MTO1: variants seen among roughly 807,000 people sequenced by gnomAD.
MTO1 encodes 5-taurinomethyluridine-[tRNA] synthase subunit MTO1, mitochondrial.
Under a neutral mutation model 71.6 loss-of-function variants are expected in MTO1, and 46 were observed. That is an observed-to-expected ratio of 0.64 (90% confidence interval 0.51 to 0.82). The LOEUF (loss-of-function observed/expected upper bound fraction) is 0.82, where lower values mean the gene tolerates loss of function less well. Among genes scored for constraint, MTO1 ranks in the 40% least tolerant of loss-of-function variants. The pLI is 0.00. For missense variants in MTO1, 773 were observed against 867.5 expected (o/e 0.89, Z 1.37); for synonymous variants, 297 against 312.1 (o/e 0.95, Z 0.51).
intron 9 of MTO1, among the ~76,000 whole-genome samples, chr6:73,484,374 T>C (rs910583385): frequency 1.3e-5 from 2 of 152,148 alleles, no homozygotes; most frequent in Non-Finnish European, 2.9e-5. Flanking sequence ...AGGTGTCTGG[T>C]GAGGGCTTGC....
intron 1 of MTO1, 65 bp from the exon 2 acceptor site, chr6:73,466,144 T>A (rs1261686233): frequency 4.4e-6 from 6 of 1,351,656 alleles, no homozygotes; most frequent in Non-Finnish European, 4.2e-6. Context: ...AAATGTTTCC[T>A]TATTAAGTAG....
At chr6:73,498,559 A>T (rs1425336503) in intron 11 of MTO1, among the ~76,000 whole-genome samples, 12 of 151,890 alleles carry the variant, frequency 7.9e-5, no homozygotes, top group Non-Finnish European at 1.8e-4. Flanking sequence ...CACGTGCTTC[A>T]GACTAATTGT....
At position 73,466,296 on chromosome 6, in the gene MTO1, G is replaced by T. The variant is rs770758228; in HGVS notation, c.305G>T (p.Arg102Leu). The change falls in exon 2 of 12, where the codon CGC (arginine) becomes CTC (leucine). Residue 102 changes from arginine (R) to leucine (L), a missense_variant. Coordinates refer to ENST00000498286, the MANE Select transcript of MTO1 (RefSeq NM_012123.4). ...EVDALDGLCS[R>L]ICDQSGVHYK... ...GATGCCTTGGATGGCCTGTGTTCTC[G>T]CATCTGTGACCAGTCTGGTGTACAT... 1.9e-6 allele frequency: 3 copies of T among 1,614,090 alleles called. No homozygotes were observed. Among genetic ancestry groups the T allele is most frequent in the East Asian group, 2.2e-5 (1 of 44,882 alleles).
At chr6:73,486,783 T>C in intron 9 of MTO1, 1 of 183,586 alleles carries the variant, frequency 5.4e-6, no homozygotes, top group South Asian at 7.4e-5. Context: ...TGTGACTGGC[T>C]TATTTCATGT....
chr6:73,500,306 G>A (rs1265028786), intron 11 of MTO1, among the ~76,000 whole-genome samples: 1 of 152,158 alleles, frequency 6.6e-6, no homozygotes, highest in Non-Finnish European at 1.5e-5. Context: ...GGACAAAAAA[G>A]TAGATACTCT....
At chr6:73,469,622 CTAAA>C (rs1771093123) in intron 3 of MTO1, among the ~76,000 whole-genome samples, 2 of 126,748 alleles carry the variant, frequency 1.6e-5, no homozygotes, top group Admixed American at 8.5e-5. Flanking sequence ...GACTCCATCT[CTAAA>C]TAAATAAATA....
At chr6:73,480,237 A>G in intron 6 of MTO1, 111 bp downstream of exon 6, 1 of 1,024,538 alleles carries the variant, frequency 9.8e-7, no homozygotes, top group South Asian at 1.3e-5. Context: ...GATGAAGCCC[A>G]ACACCTATAC....
intron 1 of MTO1, chr6:73,462,366 CTTCTTAGTTCAT>C (rs1407796419): frequency 6.9e-6 from 3 of 433,208 alleles, no homozygotes; most frequent in African/African-American, 6.3e-5. Context: ...TCGCTGGTAG[CTTCTTAGTTCAT>C]TGCTGCGTTT....
In MTO1 at chr6:73,507,649, T is replaced by C. The variant is rs1326403287; in HGVS notation, c.*6914T>C. On this transcript the variant is annotated 3_prime_UTR_variant, in exon 12 of 12. Transcript: ENST00000498286. ...CTGCCACTTTCAGTGGATTTTTCCC[T>C]CCTAGGGACCAGAGGTCCTCTACTG... 6.6e-6 allele frequency: 1 copy of C among 152,214 alleles called. No individual in the cohort carries two copies. Among genetic ancestry groups the C allele is most frequent in the African/African-American group, 2.4e-5 (1 of 41,462 alleles). 9.4% of individuals were successfully genotyped at this position (152,214 alleles called of 1,614,324 possible). A position where few individuals can be genotyped will look rare whatever the true frequency, so the allele number is the denominator to read the frequency against.
chr6:73,494,388 G>A (rs1172745280), intron 10 of MTO1, among the ~76,000 whole-genome samples: 2 of 152,082 alleles, frequency 1.3e-5, no homozygotes, highest in Non-Finnish European at 2.9e-5. Context: ...ATGGTGTGCT[G>A]TTCAAACAGG....
In MTO1 at chr6:73,502,083, A is replaced by G. The variant is rs1287222266; in HGVS notation, c.*1348A>G. ...TTTCAAAAGGTCGTAACTTTTAGTCATAGCTACTCCTGGGCAAAATTCTTC... is the reference window on the plus strand; with the variant it reads ...TTTCAAAAGGTCGTAACTTTTAGTCGTAGCTACTCCTGGGCAAAATTCTTC... On this transcript the variant is annotated 3_prime_UTR_variant, in exon 12 of 12. Coordinates refer to ENST00000498286, the MANE Select transcript of MTO1 (RefSeq NM_012123.4). The G allele has an allele frequency of 6.6e-6, 1 of 152,268 alleles. No homozygotes were observed. The highest frequency in any genetic ancestry group is 1.9e-4 in the East Asian group (1 of 5,206). 9.4% of individuals were successfully genotyped at this position (152,268 alleles called of 1,614,324 possible). A position where few individuals can be genotyped will look rare whatever the true frequency, so the allele number is the denominator to read the frequency against.
At position 73,504,550 on chromosome 6, in the gene MTO1, A is replaced by G. The variant is rs893106398; in HGVS notation, c.*3815A>G. 2.6e-5 allele frequency: 4 copies of G among 152,236 alleles called. No homozygotes were observed. Among genetic ancestry groups the G allele is most frequent in the Admixed American group, 6.6e-5 (1 of 15,266 alleles). 9.4% of individuals were successfully genotyped at this position (152,236 alleles called of 1,614,324 possible). ...TAGATTAATGAATACTACTAAAGGCAAGAAATGGTATTACTAAAACTCAAG... is the reference window on the plus strand; with the variant it reads ...TAGATTAATGAATACTACTAAAGGCGAGAAATGGTATTACTAAAACTCAAG... On this transcript the variant is annotated 3_prime_UTR_variant, in exon 12 of 12. Coordinates refer to ENST00000498286, the MANE Select transcript of MTO1 (RefSeq NM_012123.4).
chr6:73,476,533 T>C (rs1771327612), intron 4 of MTO1, among the ~76,000 whole-genome samples: 1 of 152,136 alleles, frequency 6.6e-6, no homozygotes, highest in East Asian at 1.9e-4. Flanking sequence ...CTATAAACCA[T>C]TGAACGTCAC....
intron 6 of MTO1, 118 bp from the exon 7 acceptor site, chr6:73,480,557 A>G: frequency 7.6e-7 from 1 of 1,311,326 alleles, no homozygotes; most frequent in South Asian, 1.3e-5. Flanking sequence ...GGTGTGAGCC[A>G]CTGCTCCTGA....
At chr6:73,492,185 C>G in intron 9 of MTO1, 49 bp from the exon 10 acceptor site, 6 of 1,139,304 alleles carry the variant, frequency 5.3e-6, no homozygotes, top group Non-Finnish European at 8.0e-6. Context: ...CTTGATCTGC[C>G]TTATATGACA....
chr6:73,463,331 C>T (rs151261053), intron 1 of MTO1, among the ~76,000 whole-genome samples: 5 of 152,202 alleles, frequency 3.3e-5, no homozygotes, highest in African/African-American at 1.2e-4. Context: ...GTGCCCAGCG[C>T]CATGCTACCT....
rs1561956633 is a variant in MTO1, at chr6:73,501,827, A to G, written c.*1092A>G. ...CTCAGGAGAGTTCTAAGGGCCCCAA[A>G]GTCACTTTGGCTACAGATGTGTATG... is the stretch of plus-strand genomic sequence containing the variant. On this transcript the variant is annotated 3_prime_UTR_variant, in exon 12 of 12. Transcript: ENST00000498286. The G allele has an allele frequency of 6.6e-6, 1 of 152,182 alleles. No homozygotes were observed. 9.4% of individuals were successfully genotyped at this position (152,182 alleles called of 1,614,324 possible). A position where few individuals can be genotyped will look rare whatever the true frequency, so the allele number is the denominator to read the frequency against.
chr6:73,479,746 G>T lies in MTO1; in HGVS notation c.840G>T (p.Leu280=), dbSNP rs749351702. Residue 280 remains leucine (L), a synonymous_variant, in exon 5 of 12, where the codon CTG becomes CTT. Transcript: ENST00000498286. ...ETVWIKPEDQ[L]PCYLTHTNPR... ...CTGTTTTTTAGCCAGAAGATCAGCT[G>T]CCATGTTACTTGACTCACACCAACC... The T allele has an allele frequency of 3.7e-6, 6 of 1,612,552 alleles. No individual in the cohort carries two copies. The Admixed American group carries it at 1.0e-4, about 27-fold the overall frequency.
intron 7 of MTO1, among the ~76,000 whole-genome samples, chr6:73,481,728 A>G (rs2150036861): frequency 6.6e-6 from 1 of 152,236 alleles, no homozygotes; most frequent in Admixed American, 6.5e-5. Flanking sequence ...AGATTATGCC[A>G]TTACACCCCA....
Sources: gnomAD v4.1 joint callset for allele counts (sites outside exome capture counted in the v4.1 genomes callset) on GRCh38, gnomAD v4.1.1 for gene constraint, MANE v1.5 for transcripts, NCBI Gene and HGNC (gene_info 2026-07-23, HGNC 2026-07-21) for gene names.